The following GOLGA4 variants were observed in gnomAD, a reference collection of about 807,000 sequenced individuals.
The protein encoded by GOLGA4 is golgin subfamily A member 4.
A neutral mutation model predicts 265.9 loss-of-function variants in GOLGA4; 169 were observed. The ratio of observed to expected loss-of-function variants is 0.64; its 90% CI spans 0.56 to 0.72. GOLGA4 has a LOEUF of 0.72. Among genes scored for constraint, GOLGA4 ranks in the 30% least tolerant of loss-of-function variants. The pLI is 0.00. For synonymous variants in GOLGA4, 923 were observed against 855.8 expected, an observed-to-expected ratio of 1.08 and a Z score of -1.37; for missense variants, 2,482 against 2,483.4, an observed-to-expected ratio of 1.00 and a Z score of 0.01.
intron 2 of GOLGA4, among the ~76,000 whole-genome samples, chr3:37,253,248 C>A (rs868570791): frequency 0.011 from 1,237 of 111,200 alleles, 17 homozygotes; most frequent in African/African-American, 0.034. Context: ...CCCTGTCTTT[C>A]AAAAAAAAAA....
Position 37,298,851 on chromosome 3 carries a change from T to C in GOLGA4, c.833T>C (p.Val278Ala), listed in dbSNP as rs1355744840. The C allele has an allele frequency of 1.9e-6, 3 of 1,606,438 alleles. No homozygotes were observed. The highest frequency in any genetic ancestry group is 2.5e-6 in the Non-Finnish European group (3 of 1,177,916). ...GEPVVEDGTS[V>A]KTLETLQQRV... ...TTGTTAGTGGAAGATGGAACTTCTG[T>C]AAAAACACTGGAAACACTCCAGCAA... The change falls in exon 8 of 24, where the codon GTA becomes GCA. Residue 278 changes from valine (V) to alanine (A), a missense_variant. Val to Ala is a moderately conservative substitution (Grantham distance 64). This residue lies in a region of GOLGA4 where 1,536 missense variants were observed against 1,483.7 expected (regional missense o/e 1.04). Coordinates refer to ENST00000361924, the MANE Select transcript of GOLGA4 (RefSeq NM_002078.5).
At chr3:37,287,943 C>G (rs1181305690) in intron 4 of GOLGA4, among the ~76,000 whole-genome samples, 1 of 152,124 alleles carries the variant, frequency 6.6e-6, no homozygotes, top group Admixed American at 6.5e-5. Flanking sequence ...TCCTTTACCT[C>G]TGTATTTATG....
In GOLGA4 at chr3:37,349,772, C is replaced by T. The variant is rs142519598; in HGVS notation, c.6576+2476C>T. Among the ~76,000 whole-genome samples the T allele has an allele frequency of 3.0e-3, 460 of 152,190 alleles. 6 individuals are homozygous for T. Among genetic ancestry groups the T allele is most frequent in the African/African-American group, 0.01 (432 of 41,518 alleles). ...AGAATAAGTCGGAGTATGTTGTGCT[C>T]TTTGTGATTTGATTACCATCTGCAG... On this transcript the variant is annotated intron_variant, in intron 21 of 23. Transcript: ENST00000361924.
At position 37,325,177 on chromosome 3, in the gene GOLGA4, G is replaced by A; in HGVS notation, c.3291G>A (p.Leu1097=). The change falls in exon 14 of 24, where the codon CTG becomes CTA. Residue 1097 remains leucine, a synonymous_variant. Transcript: ENST00000361924. ...KEEMNKEITW[L]KEEGVKQDTT... ...AGATGAACAAGGAAATAACATGGCT[G>A]AAGGAAGAAGGTGTTAAGCAGGATA... is the stretch of plus-strand genomic sequence containing the variant. The A allele has an allele frequency of 6.2e-7, 1 of 1,613,704 alleles. No individual in the cohort carries two copies. The highest frequency in any genetic ancestry group is 8.5e-7 in the Non-Finnish European group (1 of 1,179,754).
intron 4 of GOLGA4, among the ~76,000 whole-genome samples, chr3:37,288,262 C>T (rs1340695727): frequency 6.1e-5 from 9 of 148,450 alleles, no homozygotes; most frequent in Non-Finnish European, 9.0e-5. Context: ...TCACCATGCC[C>T]GGCTAATTTT....
intron 9 of GOLGA4, 112 bp from the exon 10 acceptor site, chr3:37,302,073 G>GTCACC: frequency 1.2e-6 from 1 of 857,850 alleles, no homozygotes; most frequent in South Asian, 1.5e-5. Flanking sequence ...ATGGACATGA[G>GTCACC]TCACCATGCA....
chr3:37,298,159 A>G (rs1311104571), intron 7 of GOLGA4, among the ~76,000 whole-genome samples: 1 of 152,216 alleles, frequency 6.6e-6, no homozygotes, highest in Non-Finnish European at 1.5e-5. Flanking sequence ...AGATAGGGGA[A>G]TTGCAGTAGA....
chr3:37,349,898 A>C (rs549658646), intron 21 of GOLGA4, among the ~76,000 whole-genome samples: 1 of 152,250 alleles, frequency 6.6e-6, no homozygotes, highest in South Asian at 2.1e-4. Context: ...TGACTTTTTA[A>C]AAGAAGACTA....
intron 22 of GOLGA4, among the ~76,000 whole-genome samples, chr3:37,355,442 A>G (rs1017149430): frequency 1.3e-5 from 2 of 152,114 alleles, no homozygotes; most frequent in African/African-American, 4.8e-5. Context: ...ATGCTATATG[A>G]CATTTCCAGA....
rs552915547 is a variant in GOLGA4, at chr3:37,355,152, C to G, written c.6628C>G (p.Gln2210Glu). The G allele has an allele frequency of 1.9e-6, 3 of 1,608,834 alleles. No homozygotes were observed. Among genetic ancestry groups the G allele is most frequent in the African/African-American group, 1.3e-5 (1 of 74,864 alleles). ...TVLKFPDDQT[Q>E]KILEREDARL... ...ACTGAAGTTCCCTGATGATCAGACT[C>G]AGAAAATTTTGGAAAGAGAAGATGC... The change falls in exon 22 of 24, where the codon CAG (glutamine) becomes GAG (glutamate). Residue 2210 changes from glutamine (Q) to glutamate (E), a missense_variant. By Grantham distance (29) the Gln-to-Glu change is conservative. Coordinates refer to ENST00000361924, the MANE Select transcript of GOLGA4 (RefSeq NM_002078.5).
intron 23 of GOLGA4, 31 bp from the exon 24 acceptor site, chr3:37,366,049 T>G (rs1391184674): frequency 1.3e-6 from 2 of 1,518,678 alleles, no homozygotes; most frequent in East Asian, 4.9e-5. Flanking sequence ...TTGCCCCCTT[T>G]CTTTATTCTC....
At chr3:37,365,385 T>C (rs1251837651) in intron 23 of GOLGA4, among the ~76,000 whole-genome samples, 1 of 152,204 alleles carries the variant, frequency 6.6e-6, no homozygotes, top group Non-Finnish European at 1.5e-5. Context: ...TTCTCCTGCC[T>C]CAGCCTCCCG....
chr3:37,274,288 T>C (rs1265546553), intron 2 of GOLGA4, among the ~76,000 whole-genome samples: 2 of 152,136 alleles, frequency 1.3e-5, no homozygotes, highest in East Asian at 1.9e-4. Context: ...CTTTAAAGTG[T>C]ATTTTACTAC....
chr3:37,316,969 A>G (rs1463406873), intron 11 of GOLGA4, among the ~76,000 whole-genome samples: 2 of 151,888 alleles, frequency 1.3e-5, no homozygotes, highest in Admixed American at 6.6e-5. Flanking sequence ...AGAATGTTCT[A>G]TATTTTGCTT....
chr3:37,250,638 AATAG>A (rs1219103627), intron 1 of GOLGA4: 1 of 152,092 alleles, frequency 6.6e-6, no homozygotes, highest in Non-Finnish European at 1.5e-5. Flanking sequence ...CATTTCTCAA[AATAG>A]ATCTGAGTTC....
chr3:37,336,782 GAGAGAGAAAGAGAAAGAGAAAGAA>G (rs2097014607), intron 17 of GOLGA4, among the ~76,000 whole-genome samples: 1 of 151,030 alleles, frequency 6.6e-6, no homozygotes, highest in Non-Finnish European at 1.5e-5. Context: ...GAAAGAGAGA[GAGAGAGAAAGAGAAAGAGAAAGAA>G]AGAGAGAAAG....
At chr3:37,355,865 C>T (rs1229570813) in intron 22 of GOLGA4, among the ~76,000 whole-genome samples, 3 of 152,002 alleles carry the variant, frequency 2.0e-5, no homozygotes, top group East Asian at 3.9e-4. Context: ...TGCTTCTTTT[C>T]CTTGTCTTGA....
chr3:37,352,054 C>T (rs1488330801), intron 21 of GOLGA4, among the ~76,000 whole-genome samples: 1 of 152,066 alleles, frequency 6.6e-6, no homozygotes, highest in Non-Finnish European at 1.5e-5. Flanking sequence ...CACAGAAAAT[C>T]TGTTGTTTAG....
chr3:37,250,620 G>A (rs2096731220), intron 1 of GOLGA4: 1 of 152,092 alleles, frequency 6.6e-6, no homozygotes, highest in Non-Finnish European at 1.5e-5. Flanking sequence ...AAGATATCAT[G>A]ACTCATTCAT....
Sources: allele counts gnomAD v4.1 joint callset (sites outside exome capture counted in the v4.1 genomes callset), GRCh38; gene constraint gnomAD v4.1.1; regional missense constraint gnomAD v4.1.1; transcripts MANE v1.5; gene names NCBI Gene and HGNC (gene_info 2026-07-23, HGNC 2026-07-21).